The following EPB41L3 variants were observed in gnomAD, a reference collection of about 807,000 sequenced individuals.
EPB41L3 encodes erythrocyte membrane protein band 4.1 like 3.
EPB41L3 carries 57 observed loss-of-function variants against 127.1 expected under a neutral mutation model. The observed-to-expected ratio is 0.45, with a 90% CI of 0.36 to 0.56. EPB41L3 has a LOEUF of 0.56. EPB41L3 is among the 20% of genes least tolerant of loss of function. The pLI is 0.00. For synonymous variants in EPB41L3, 572 were observed against 549.5 expected, an observed-to-expected ratio of 1.04 and a Z score of -0.57; for missense variants, 1,273 against 1,372.2, an observed-to-expected ratio of 0.93 and a Z score of 1.14.
At chr18:5,626,419 T>C (rs189208293) in intron 1 of EPB41L3, among the ~76,000 whole-genome samples, 80 of 152,364 alleles carry the variant, frequency 5.3e-4, no homozygotes, top group African/African-American at 1.9e-3. Context: ...CATTTTCTAA[T>C]AGCCATATTT....
At chr18:5,401,092 C>A in intron 16 of EPB41L3, 1 of 1,195,664 alleles carries the variant, frequency 8.4e-7, no homozygotes, top group Non-Finnish European at 1.2e-6. Flanking sequence ...TAGACAGTTT[C>A]CAAAAAGGCA....
intron 1 of EPB41L3, among the ~76,000 whole-genome samples, chr18:5,510,865 A>T (rs769571642): frequency 6.6e-6 from 1 of 152,200 alleles, no homozygotes; most frequent in African/African-American, 2.4e-5. Context: ...GTCTACATCA[A>T]TATTTTTACC....
chr18:5,423,673 G>T, intron 10 of EPB41L3, 120 bp from the exon 11 acceptor site: 2 of 868,904 alleles, frequency 2.3e-6, no homozygotes, highest in Non-Finnish European at 3.4e-6. Flanking sequence ...CGCACAACTT[G>T]CAGTTAAATA....
intron 3 of EPB41L3, among the ~76,000 whole-genome samples, chr18:5,473,874 G>A (rs557816086): frequency 2.6e-5 from 4 of 152,138 alleles, no homozygotes; most frequent in South Asian, 2.1e-4. Flanking sequence ...TATCAAGTTC[G>A]CTATAATAAG....
At chr18:5,474,911 CAT>C (rs2086873612) in intron 3 of EPB41L3, among the ~76,000 whole-genome samples, 2 of 152,186 alleles carry the variant, frequency 1.3e-5, no homozygotes, top group Non-Finnish European at 2.9e-5. Context: ...GCAGTGCGTA[CAT>C]CATCACAAGG....
chr18:5,615,563 G>A (rs77089955), intron 1 of EPB41L3, among the ~76,000 whole-genome samples: 1,883 of 152,262 alleles, frequency 0.012, 33 homozygotes, highest in African/African-American at 0.043. Context: ...CGAAAATAAA[G>A]AGTGTGATTG....
chr18:5,520,403 T>C (rs907682004), intron 1 of EPB41L3, among the ~76,000 whole-genome samples: 2 of 152,100 alleles, frequency 1.3e-5, no homozygotes, highest in Non-Finnish European at 2.9e-5. Context: ...TAGCAAAACC[T>C]TGAACCAGCT....
chr18:5,398,473 T>A, intron 16 of EPB41L3: 1 of 430,586 alleles, frequency 2.3e-6, no homozygotes, highest in Non-Finnish European at 4.1e-6. Flanking sequence ...GTTTTAATGC[T>A]GACTTTGCAC....
intron 3 of EPB41L3, among the ~76,000 whole-genome samples, chr18:5,564,927 G>T (rs2094178841): frequency 1.3e-5 from 2 of 152,150 alleles, no homozygotes; most frequent in Admixed American, 6.5e-5. Context: ...AAATATAATG[G>T]TAGCATCTGT....
chr18:5,429,571 A>G (rs1286361333), intron 8 of EPB41L3, among the ~76,000 whole-genome samples: 1 of 152,238 alleles, frequency 6.6e-6, no homozygotes, highest in East Asian at 1.9e-4. Context: ...TGTCAATGCA[A>G]GGCAGGAGAT....
intron 9 of EPB41L3, among the ~76,000 whole-genome samples, chr18:5,426,758 G>GT (rs1356864683): frequency 6.6e-6 from 1 of 152,038 alleles, no homozygotes; most frequent in Non-Finnish European, 1.5e-5. Context: ...CCCTTAACAA[G>GT]GAACAAGGTC....
intron 1 of EPB41L3, among the ~76,000 whole-genome samples, chr18:5,535,640 T>C (rs1293147341): frequency 6.6e-6 from 1 of 152,172 alleles, no homozygotes; most frequent in Admixed American, 6.5e-5. Flanking sequence ...GATGCCCCGA[T>C]GGCATCATCT....
chr18:5,502,311 A>G (rs1166803695), intron 1 of EPB41L3, among the ~76,000 whole-genome samples: 1 of 152,192 alleles, frequency 6.6e-6, no homozygotes, highest in Non-Finnish European at 1.5e-5. Context: ...TTGGAAAAAA[A>G]AAAAACCTGA....
chr18:5,527,241 G>A (rs2093256513), intron 1 of EPB41L3, among the ~76,000 whole-genome samples: 1 of 152,096 alleles, frequency 6.6e-6, no homozygotes. Context: ...GTGGGGTAAG[G>A]TCTTAGTCCA....
chr18:5,512,278 C>T (rs143920739), intron 1 of EPB41L3, among the ~76,000 whole-genome samples: 1 of 152,298 alleles, frequency 6.6e-6, no homozygotes, highest in Non-Finnish European at 1.5e-5. Context: ...TGCTACAGGA[C>T]ATAGAGAACT....
intron 1 of EPB41L3, among the ~76,000 whole-genome samples, chr18:5,505,608 C>T (rs1224261000): frequency 6.8e-6 from 1 of 147,514 alleles, no homozygotes; most frequent in Non-Finnish European, 1.5e-5. Context: ...TCCACACCTT[C>T]ACCTCCACCT....
intron 3 of EPB41L3, among the ~76,000 whole-genome samples, chr18:5,555,972 A>G (rs766726913): frequency 2.0e-5 from 3 of 152,076 alleles, no homozygotes; most frequent in Admixed American, 6.5e-5. Flanking sequence ...TGCTTCAAAC[A>G]TTGCACCTAT....
At chr18:5,589,759 T>A (rs1445857025) in intron 3 of EPB41L3, among the ~76,000 whole-genome samples, 2 of 152,204 alleles carry the variant, frequency 1.3e-5, no homozygotes, top group Non-Finnish European at 2.9e-5. Flanking sequence ...TTTTTTGGGG[T>A]CTGCTGCTGT....
intron 3 of EPB41L3, among the ~76,000 whole-genome samples, chr18:5,474,046 G>A (rs550720829): frequency 3.9e-5 from 6 of 151,930 alleles, no homozygotes; most frequent in Admixed American, 6.6e-5. Flanking sequence ...CTTGGCTAAC[G>A]TGGTGAAACC....
Sources: gnomAD v4.1 joint callset for allele counts (sites outside exome capture counted in the v4.1 genomes callset) on GRCh38, gnomAD v4.1.1 for gene constraint, MANE v1.5 for transcripts, NCBI Gene and HGNC (gene_info 2026-07-23, HGNC 2026-07-21) for gene names.